IL17REL: variants seen among roughly 807,000 people sequenced by gnomAD.
IL17REL encodes interleukin-17 receptor E-like protein.
IL17REL carries 36 observed loss-of-function variants against 49.0 expected under a neutral mutation model. That is an observed-to-expected ratio of 0.73 (90% CI 0.56 to 0.97). The LOEUF is 0.97. Among genes scored for constraint, IL17REL ranks in the 50% least tolerant of loss-of-function variants. The pLI, the probability that IL17REL is intolerant of heterozygous loss-of-function variation, is 0.00. For missense variants in IL17REL, 470 were observed against 453.9 expected (o/e 1.04, Z -0.32); for synonymous variants, 206 against 192.4 (o/e 1.07, Z -0.58).
intron 8 of IL17REL, 28 bp downstream of exon 10, chr22:49,998,109 C>T (rs1379352619): frequency 1.9e-6 from 3 of 1,593,872 alleles, no homozygotes; most frequent in Non-Finnish European, 2.6e-6. Flanking sequence ...TCCATGCCCA[C>T]CCCCATCCCT....
upstream of IL17REL, among the ~76,000 whole-genome samples, chr22:50,010,254 C>T (rs1486893986): frequency 1.3e-5 from 2 of 152,248 alleles, no homozygotes; most frequent in Non-Finnish European, 2.9e-5. Flanking sequence ...TGGTGGGGAG[C>T]AGGGCCTCAA....
chr22:49,998,103 T>C, intron 8 of IL17REL, 34 bp from the exon 11 acceptor site: 1 of 1,592,654 alleles, frequency 6.3e-7, no homozygotes, highest in Non-Finnish European at 8.5e-7. Flanking sequence ...GTGGCATCCA[T>C]GCCCACCCCC....
exon 6 of IL17REL, chr22:49,999,464 G>A (rs753522201): frequency 4.3e-6 from 7 of 1,611,192 alleles, no homozygotes; most frequent in Non-Finnish European, 5.9e-6. Context: ...CCTGGCTGTA[G>A]GGCAGGAAGA....
Position 49,998,020 on chromosome 22 carries a change from C to T in IL17REL, c.819+5G>A, listed in dbSNP as rs2061047571. The T allele has an allele frequency of 5.6e-6, 9 of 1,596,512 alleles. No homozygotes were observed. The highest frequency in any genetic ancestry group is 7.7e-6 in the Non-Finnish European group (9 of 1,175,910). Reference sequence around the variant, plus strand: ...GGGCACTGGCAGGCTGTGGCAGCCCCTCACCTTCAGGCAGAGCTGGGGCTG... The same window carrying T: ...GGGCACTGGCAGGCTGTGGCAGCCCTTCACCTTCAGGCAGAGCTGGGGCTG... On this transcript the variant is annotated splice_donor_5th_base_variant and intron_variant, in intron 9 of 12. Coordinates refer to ENST00000341280, the Ensembl canonical transcript of IL17REL.
chr22:50,008,835 C>A (rs1269683818), upstream of IL17REL: 1 of 152,472 alleles, frequency 6.6e-6, no homozygotes, highest in African/African-American at 2.4e-5. Context: ...ACTTAGTAAA[C>A]AGTGTGGTCT....
downstream of IL17REL, among the ~76,000 whole-genome samples, chr22:49,993,417 C>T (rs888118977): frequency 2.6e-5 from 4 of 152,120 alleles, no homozygotes; most frequent in African/African-American, 7.2e-5. The surrounding 1 kb of genome is among the most constrained non-coding windows in gnomAD (Gnocchi z 6.0). Context: ...GGTGGGTTTC[C>T]GGCGGTGGTG....
exon 6 of IL17REL, chr22:49,999,482 G>A: frequency 6.2e-7 from 1 of 1,609,360 alleles, no homozygotes; most frequent in Non-Finnish European, 8.5e-7. Flanking sequence ...AGACGGCCTG[G>A]GAGACGCTGT....
At chr22:50,005,427 G>A (rs1185639224) in intron 1 of IL17REL, among the ~76,000 whole-genome samples, 1 of 152,202 alleles carries the variant, frequency 6.6e-6, no homozygotes, top group Non-Finnish European at 1.5e-5. Context: ...GCGAGGAGCA[G>A]GGAATGGGAA....
rs886841030 is a variant in IL17REL, at chr22:49,999,193, G to T, written c.601+98C>A. ...AGGCTCAGGGATTTAGGCTGGGCCTGCTCCTTATCTCATCCCCCCACGTCA... is the reference window on the plus strand; with the variant it reads ...AGGCTCAGGGATTTAGGCTGGGCCTTCTCCTTATCTCATCCCCCCACGTCA... On this transcript the variant is annotated intron_variant, in intron 7 of 12. Transcript: ENST00000341280. 2.1e-6 allele frequency: 3 copies of T among 1,428,710 alleles called. No homozygotes were observed. In the African/African-American group the frequency reaches 4.2e-5, roughly 20 times the overall value. The allele number at this position is 1,428,710 out of a possible 1,614,324, so 88.5% of individuals were successfully genotyped here.
In IL17REL at chr22:49,998,316, G is replaced by T. The variant is rs762119946; in HGVS notation, c.602-7C>A. 6.3e-7 allele frequency: 1 copy of T among 1,594,220 alleles called. No homozygotes were observed. The highest frequency in any genetic ancestry group is 1.8e-5 in the Admixed American group (1 of 56,912). On this transcript the variant is annotated splice_region_variant and splice_polypyrimidine_tract_variant and intron_variant, in intron 7 of 12. Coordinates refer to ENST00000341280, the Ensembl canonical transcript of IL17REL. ...ACCTCCAGTGCCTCAGTGTCTGCAG[G>T]AACCCTCCCCGAAACACAGGTCAGT...
At chr22:50,000,437 G>T in intron 4 of IL17REL, 41 bp downstream of exon 5, 1 of 1,480,466 alleles carries the variant, frequency 6.8e-7, no homozygotes, top group Non-Finnish European at 9.4e-7. Flanking sequence ...GGCCCTGGAG[G>T]CTGAACGGTA....
chr22:49,997,826 G>T, intron 9 of IL17REL, 84 bp from the exon 12 acceptor site: 1 of 1,481,544 alleles, frequency 6.7e-7, no homozygotes, highest in African/African-American at 1.4e-5. Context: ...GGACAGGCTG[G>T]GTCAGCTTCA....
downstream of IL17REL, among the ~76,000 whole-genome samples, chr22:49,992,676 G>A (rs150991565): frequency 0.026 from 3,991 of 152,258 alleles, 143 homozygotes; most frequent in African/African-American, 0.091. Flanking sequence ...GGAGTGCAGT[G>A]GCATGATCTC....
chr22:50,009,607 C>T (rs1377498077), upstream of IL17REL, among the ~76,000 whole-genome samples: 3 of 148,156 alleles, frequency 2.0e-5, no homozygotes, highest in East Asian at 2.0e-4. Flanking sequence ...AGAGCTGACC[C>T]TCTACAGACC....
At chr22:50,008,836 A>G (rs2061123750), upstream of IL17REL, 1 of 152,412 alleles carries the variant, frequency 6.6e-6, no homozygotes, top group South Asian at 2.1e-4. Context: ...CTTAGTAAAC[A>G]GTGTGGTCTG....
chr22:50,001,046 C>T (rs1023195272), intron 2 of IL17REL, 36 bp downstream of exon 3: 6 of 1,460,708 alleles, frequency 4.1e-6, no homozygotes, highest in Non-Finnish European at 4.7e-6. Context: ...GCTGGACCTG[C>T]GGGTGTTAAC....
intron 4 of IL17REL, 88 bp downstream of exon 5, chr22:50,000,390 C>T (rs2061070710): frequency 1.0e-6 from 1 of 992,564 alleles, no homozygotes; most frequent in Non-Finnish European, 1.6e-6. Context: ...AGTGTGAGGG[C>T]CAGGCCCCTG....
upstream of IL17REL, among the ~76,000 whole-genome samples, chr22:50,010,278 G>A (rs933646232): frequency 3.9e-5 from 6 of 152,232 alleles, no homozygotes; most frequent in African/African-American, 9.6e-5. Flanking sequence ...AGGGGCCGGC[G>A]GAGCTGACCC....
chr22:50,011,012 C>G (rs556790006), upstream of IL17REL, among the ~76,000 whole-genome samples: 5 of 140,610 alleles, frequency 3.6e-5, no homozygotes, highest in Non-Finnish European at 4.6e-5. Context: ...GGTCCCCCCC[C>G]AGGGCGCGGC....
Sources: allele counts gnomAD v4.1 joint callset (sites outside exome capture counted in the v4.1 genomes callset), GRCh38; gene constraint gnomAD v4.1.1; non-coding constraint Gnocchi (gnomAD v3.1); transcripts MANE v1.5; gene names NCBI Gene and HGNC (gene_info 2026-07-23, HGNC 2026-07-21).